Variants in LPO observed in about 807,000 individuals in gnomAD.
LPO encodes lactoperoxidase.
Under a neutral mutation model 68.4 loss-of-function variants are expected in LPO, and 70 were observed. That is an observed-to-expected ratio of 1.02 (90% CI 0.84 to 1.25). The LOEUF is 1.25. Among genes scored for constraint, LPO ranks in the 50% most tolerant of loss-of-function variants. The pLI is 0.00. For synonymous variants in LPO, 360 were observed against 357.6 expected, an observed-to-expected ratio of 1.01 and a Z score of -0.08; for missense variants, 873 against 908.4, an observed-to-expected ratio of 0.96 and a Z score of 0.50.
At chr17:58,257,866 C>T (rs8178361) in intron 9 of LPO, among the ~76,000 whole-genome samples, 5,992 of 152,220 alleles carry the variant, frequency 0.039, 395 homozygotes, top group African/African-American at 0.14. Context: ...TAGTTTTGAT[C>T]TGCATTTCTC....
chr17:58,258,441 G>C (rs985160246), intron 9 of LPO, among the ~76,000 whole-genome samples: 2 of 152,082 alleles, frequency 1.3e-5, no homozygotes, highest in Non-Finnish European at 2.9e-5. Context: ...TGTTGAAAAC[G>C]AGTTAACTGT....
Position 58,268,004 on chromosome 17 carries a change from CT to C in LPO, c.*11del. 1 of 1,612,724 alleles carries C rather than the reference CT, an allele frequency of 6.2e-7. No individual in the cohort carries two copies. Among genetic ancestry groups the C allele is most frequent in the Admixed American group, 1.7e-5 (1 of 60,020 alleles). On this transcript the variant is annotated 3_prime_UTR_variant, in exon 13 of 13. Transcript: ENST00000262290. ...CTCAGTGAAGAATTAGGGGCCCGCG[CT>C]GCACAGGAAAGTTCCCTTTGGTCCA...
chr17:58,244,353 A>C, intron 3 of LPO: 14 of 451,528 alleles, frequency 3.1e-5, no homozygotes, highest in Non-Finnish European at 4.4e-5. Flanking sequence ...ACGTGGCCCA[A>C]TGTTTCCTTG....
intron 11 of LPO, among the ~76,000 whole-genome samples, chr17:58,267,102 A>G (rs1318330374): frequency 6.6e-6 from 1 of 152,248 alleles, no homozygotes; most frequent in Non-Finnish European, 1.5e-5. Flanking sequence ...AGTGCTTAGA[A>G]TAGTGCCTGG....
chr17:58,242,920 A>G, intron 1 of LPO, 58 bp from the exon 2 acceptor site: 1 of 1,490,342 alleles, frequency 6.7e-7, no homozygotes, highest in Non-Finnish European at 9.4e-7. Context: ...TCTGTGGTTC[A>G]AACCCTCCCA....
At chr17:58,240,869 A>T (rs1282882225) in intron 1 of LPO, among the ~76,000 whole-genome samples, 1 of 152,120 alleles carries the variant, frequency 6.6e-6, no homozygotes, top group Non-Finnish European at 1.5e-5. Context: ...CAATATAATG[A>T]ATGTTTGTGC....
intron 4 of LPO, 112 bp from the exon 5 acceptor site, chr17:58,248,948 T>C (rs1176729373): frequency 6.2e-6 from 5 of 801,442 alleles, no homozygotes; most frequent in African/African-American, 3.4e-5. Context: ...TTACTTAGAA[T>C]GGAATGCATT....
rs1194820735 is a variant in LPO, at chr17:58,268,412, C to A, written c.*418C>A. The stretch of plus-strand genomic sequence containing the variant: ...CATGGTGCACAGCACATTAGAAGTG[C>A]TCAAAAACATCTGATGACTGACTAA... On this transcript the variant is annotated 3_prime_UTR_variant, in exon 13 of 13. Coordinates refer to ENST00000262290, the MANE Select transcript of LPO (RefSeq NM_006151.3). 1 of 186,522 alleles carries A rather than the reference C, an allele frequency of 5.4e-6. No individual in the cohort carries two copies. Among genetic ancestry groups the A allele is most frequent in the African/African-American group, 2.4e-5 (1 of 42,204 alleles). The allele number at this position is 186,522 out of a possible 1,614,324, so 11.6% of individuals were successfully genotyped here.
intron 11 of LPO, 75 bp from the exon 12 acceptor site, chr17:58,267,274 G>A (rs907647743): frequency 1.1e-5 from 12 of 1,119,144 alleles, no homozygotes; most frequent in African/African-American, 1.5e-5. Flanking sequence ...GATAGAGCTG[G>A]AGTGGACATG....
At chr17:58,247,408 A>G in intron 3 of LPO, 70 bp from the exon 4 acceptor site, 1 of 1,118,704 alleles carries the variant, frequency 8.9e-7, no homozygotes, top group Non-Finnish European at 1.3e-6. Flanking sequence ...CACCCCTCCC[A>G]CCCCTCCAGC....
At chr17:58,246,208 G>T (rs915006844) in intron 3 of LPO, among the ~76,000 whole-genome samples, 2 of 152,172 alleles carry the variant, frequency 1.3e-5, no homozygotes, top group Non-Finnish European at 2.9e-5. Flanking sequence ...GACCGTGGGT[G>T]CTCAGGAAAA....
chr17:58,267,570 A>G lies in LPO; in HGVS notation c.1915A>G (p.Ile639Val). 2 of 1,610,934 alleles carry G rather than the reference A, an allele frequency of 1.2e-6. No homozygotes were observed. Among genetic ancestry groups the G allele is most frequent in the Non-Finnish European group, 1.7e-6 (2 of 1,177,870 alleles). ...CCTCTTGGGCAAGCAGTTCCAGCAG[A>G]TCCGTGATGGAGACAGGCAAGTGCG... is the stretch of plus-strand genomic sequence containing the variant. ...ACLLGKQFQQ[I>V]RDGDRFWWEN... Residue 639 changes from isoleucine to valine, a missense_variant, in exon 12 of 13, where the codon ATC becomes GTC. Coordinates refer to ENST00000262290, the MANE Select transcript of LPO (RefSeq NM_006151.3).
intron 3 of LPO, among the ~76,000 whole-genome samples, chr17:58,247,146 T>C (rs988912830): frequency 7.9e-5 from 12 of 152,168 alleles, no homozygotes; most frequent in African/African-American, 2.7e-4. Context: ...TCTGTCCAGC[T>C]CTAAGCCCAC....
rs8178334 is a variant in LPO at position 58,249,764 on chromosome 17, A to T, written c.573+69A>T. ...GACGGGATGCACTACCCAAACACGCAGTGAAAGGAGGAGGAGGGATCGGTG... is the reference window on the plus strand; with the variant it reads ...GACGGGATGCACTACCCAAACACGCTGTGAAAGGAGGAGGAGGGATCGGTG... On this transcript the variant is annotated intron_variant, in intron 6 of 12. Coordinates refer to ENST00000262290, the MANE Select transcript of LPO (RefSeq NM_006151.3). 4,304 of 1,488,260 alleles carry T rather than the reference A, an allele frequency of 2.9e-3. 103 individuals carry two copies. The African/African-American group carries it at 0.052, about 18-fold the overall frequency. The allele number at this position is 1,488,260 out of a possible 1,614,324, so 92.2% of individuals were successfully genotyped here. A position where few individuals can be genotyped will look rare whatever the true frequency, so the allele number is the denominator to read the frequency against.
chr17:58,247,714 C>A, intron 4 of LPO, 76 bp downstream of exon 4: 1 of 1,498,578 alleles, frequency 6.7e-7, no homozygotes, highest in Non-Finnish European at 9.1e-7. Context: ...CCACCCAAAG[C>A]TGCACTTCCT....
rs777997330 is a variant in LPO, at chr17:58,252,480, C to T, written c.1079C>T (p.Thr360Ile). ...AGCCCCTGTGAGTTCATCAACACCACTGCCCGTGTGCCCTGCTTCCTGGCA... is the reference window on the plus strand; with the variant it reads ...AGCCCCTGTGAGTTCATCAACACCATTGCCCGTGTGCCCTGCTTCCTGGCA... ...KPSPCEFINT[T>I]ARVPCFLAGD... Residue 360 changes from threonine to isoleucine, a missense_variant, in exon 8 of 13, where the codon ACT (threonine) becomes ATT (isoleucine). Transcript: ENST00000262290. The T allele has an allele frequency of 1.2e-5, 19 of 1,612,772 alleles. No individual in the cohort carries two copies. In the African/African-American group the frequency reaches 2.4e-4, roughly 20 times the overall value.
intron 5 of LPO, 36 bp downstream of exon 5, chr17:58,249,213 A>G: frequency 6.4e-7 from 1 of 1,565,138 alleles, no homozygotes; most frequent in Non-Finnish European, 8.8e-7. Flanking sequence ...CGACCATTCC[A>G]GCCACTCCGC....
intron 1 of LPO, among the ~76,000 whole-genome samples, chr17:58,241,467 A>G (rs1969757790): frequency 6.6e-6 from 1 of 152,152 alleles, no homozygotes; most frequent in Non-Finnish European, 1.5e-5. Flanking sequence ...CTCCAAAACC[A>G]TCATCTCTGT....
chr17:58,253,022 C>CAAAAAAAAAAAA (rs765890765), intron 8 of LPO, among the ~76,000 whole-genome samples: 35 of 30,992 alleles, frequency 1.1e-3, no homozygotes, highest in East Asian at 1.8e-3. Flanking sequence ...GACTCCATCT[C>CAAAAAAAAAAAA]AAAAAAAAAA....
Sources: allele counts gnomAD v4.1 joint callset (sites outside exome capture counted in the v4.1 genomes callset), GRCh38; gene constraint gnomAD v4.1.1; transcripts MANE v1.5; gene names NCBI Gene and HGNC (gene_info 2026-07-23, HGNC 2026-07-21).